Variants in GRIK2 observed in about 807,000 individuals in gnomAD.
The protein encoded by GRIK2 is glutamate ionotropic receptor kainate type subunit 2, also known as glutamate receptor ionotropic, kainate 2.
GRIK2 carries 32 observed loss-of-function variants against 100.3 expected under a neutral mutation model. The ratio of observed to expected loss-of-function variants is 0.32; its 90% CI spans 0.24 to 0.43. GRIK2 has a LOEUF of 0.43. Ranked by LOEUF, GRIK2 falls within the 20% of genes least tolerant of loss-of-function variation. GRIK2 has a pLI of 1.00. For synonymous variants in GRIK2, 417 were observed against 389.4 expected (o/e 1.07, Z -0.83); for missense variants, 843 against 1,114.9 (o/e 0.76, Z 3.47).
chr6:101,923,054 C>T (rs960794037), intron 12 of GRIK2, among the ~76,000 whole-genome samples: 7 of 152,032 alleles, frequency 4.6e-5, no homozygotes, highest in African/African-American at 1.7e-4. Context: ...ACTTAGAGAA[C>T]CAAACAAAAC....
At chr6:102,007,606 G>T (rs1222654337) in intron 14 of GRIK2, among the ~76,000 whole-genome samples, 1 of 152,022 alleles carries the variant, frequency 6.6e-6, no homozygotes, top group Non-Finnish European at 1.5e-5. Flanking sequence ...TATTAAGCTT[G>T]AAGAATTGAA....
At chr6:101,899,404 A>G (rs1191271556) in intron 12 of GRIK2, among the ~76,000 whole-genome samples, 1 of 152,020 alleles carries the variant, frequency 6.6e-6, no homozygotes, top group East Asian at 1.9e-4. Context: ...TAATGACAGT[A>G]AACCATATTA....
intron 2 of GRIK2, among the ~76,000 whole-genome samples, chr6:101,606,140 T>C (rs1421564608): frequency 6.6e-6 from 1 of 152,006 alleles, no homozygotes; most frequent in African/African-American, 2.4e-5. Flanking sequence ...TAAGTCATTA[T>C]ATTAACTTTG....
At chr6:101,582,932 A>C (rs1437409506) in intron 2 of GRIK2, among the ~76,000 whole-genome samples, 2 of 152,116 alleles carry the variant, frequency 1.3e-5, no homozygotes, top group African/African-American at 4.8e-5. Flanking sequence ...GAGTCCTGTG[A>C]ATAGCCTGTT....
At chr6:101,589,407 A>G (rs1343991042) in intron 2 of GRIK2, among the ~76,000 whole-genome samples, 2 of 152,058 alleles carry the variant, frequency 1.3e-5, no homozygotes, top group African/African-American at 2.4e-5. Flanking sequence ...TTTTCCACCT[A>G]TCGGAAGTTT....
chr6:101,558,387 C>T (rs1317387898), intron 2 of GRIK2, among the ~76,000 whole-genome samples: 2 of 152,096 alleles, frequency 1.3e-5, no homozygotes, highest in Non-Finnish European at 2.9e-5. Context: ...AACTGTGTGA[C>T]AAGTAAGACA....
chr6:101,984,792 C>T (rs1165450761), intron 14 of GRIK2, among the ~76,000 whole-genome samples: 2 of 151,588 alleles, frequency 1.3e-5, no homozygotes, highest in African/African-American at 2.4e-5. Context: ...ATCCCTATAT[C>T]GGACCCCAAT....
intron 14 of GRIK2, among the ~76,000 whole-genome samples, chr6:101,958,126 C>T (rs867227046): frequency 4.0e-5 from 6 of 151,876 alleles, no homozygotes; most frequent in Admixed American, 6.6e-5. Context: ...ACAATATTGA[C>T]TCTTCCAAAC....
intron 11 of GRIK2, among the ~76,000 whole-genome samples, chr6:101,888,962 G>A (rs1582463457): frequency 6.6e-6 from 1 of 151,978 alleles, no homozygotes; most frequent in Non-Finnish European, 1.5e-5. Flanking sequence ...ACATATTTAA[G>A]CTACTGTGGA....
intron 2 of GRIK2, among the ~76,000 whole-genome samples, chr6:101,430,083 C>T (rs573861886): frequency 5.3e-5 from 8 of 152,248 alleles, no homozygotes; most frequent in South Asian, 2.1e-4. Flanking sequence ...CTGCACAGAT[C>T]GACAGACTGC....
At chr6:102,050,702 C>CA (rs1270210909) in intron 15 of GRIK2, among the ~76,000 whole-genome samples, 7 of 104,894 alleles carry the variant, frequency 6.7e-5, no homozygotes, top group African/African-American at 1.5e-4. Context: ...ACAGGAAAGG[C>CA]AAAAAAAGAA....
At chr6:101,612,377 A>T (rs541702711) in intron 2 of GRIK2, among the ~76,000 whole-genome samples, 9 of 151,828 alleles carry the variant, frequency 5.9e-5, no homozygotes, top group Non-Finnish European at 8.8e-5. Context: ...AAGACAGAAA[A>T]CGTGAGTCAA....
At chr6:102,048,134 C>T (rs1000642782) in intron 15 of GRIK2, among the ~76,000 whole-genome samples, 2 of 150,742 alleles carry the variant, frequency 1.3e-5, no homozygotes, top group African/African-American at 4.9e-5. Context: ...CAATCAACGG[C>T]GTTGAGAAAA....
chr6:102,047,206 C>A (rs1770938910), intron 15 of GRIK2, among the ~76,000 whole-genome samples: 1 of 151,806 alleles, frequency 6.6e-6, no homozygotes, highest in Admixed American at 6.6e-5. Flanking sequence ...TAATAAAGAT[C>A]AGAACAGAAA....
At chr6:101,748,446 G>T (rs577787735) in intron 7 of GRIK2, among the ~76,000 whole-genome samples, 91 of 151,912 alleles carry the variant, frequency 6.0e-4, no homozygotes, top group African/African-American at 2.1e-3. Context: ...ACATTAAAAA[G>T]GACATTAAGT....
At chr6:101,980,891 CTTTT>C (rs36081447) in intron 14 of GRIK2, among the ~76,000 whole-genome samples, 2 of 124,778 alleles carry the variant, frequency 1.6e-5, no homozygotes, top group East Asian at 2.3e-4. Context: ...CCATTTTTTC[CTTTT>C]TTTTTTTTTT....
chr6:101,476,865 A>G (rs1301196607), intron 2 of GRIK2, among the ~76,000 whole-genome samples: 1 of 152,164 alleles, frequency 6.6e-6, no homozygotes, highest in Non-Finnish European at 1.5e-5. Context: ...GTTCAGGAAG[A>G]GAAAGCAGTG....
At chr6:101,785,020 G>A (rs2128403850) in intron 7 of GRIK2, among the ~76,000 whole-genome samples, 1 of 152,220 alleles carries the variant, frequency 6.6e-6, no homozygotes, top group Middle Eastern at 3.4e-3. Context: ...ATATTTCATT[G>A]TGGTTTTGAC....
At chr6:101,448,689 A>C (rs1028616532) in intron 2 of GRIK2, among the ~76,000 whole-genome samples, 1 of 151,626 alleles carries the variant, frequency 6.6e-6, no homozygotes, top group Non-Finnish European at 1.5e-5. Flanking sequence ...GACAGCAACA[A>C]AAAGATTGGC....
Sources: allele counts gnomAD v4.1 joint callset (sites outside exome capture counted in the v4.1 genomes callset), GRCh38; gene constraint gnomAD v4.1.1; transcripts MANE v1.5; gene names NCBI Gene and HGNC (gene_info 2026-07-23, HGNC 2026-07-21).